DLGAP1: variants seen among roughly 807,000 people sequenced by gnomAD.
DLGAP1 encodes DLG associated protein 1, also known as disks large-associated protein 1.
DLGAP1 carries 11 observed loss-of-function variants against 90.8 expected under a neutral mutation model. The observed-to-expected ratio is 0.12, with a 90% CI of 0.08 to 0.20. The LOEUF is 0.20. Among genes scored for constraint, DLGAP1 ranks in the 10% least tolerant of loss-of-function variants. The pLI is 1.00. For missense variants in DLGAP1, 1,050 were observed against 1,333.8 expected, an observed-to-expected ratio of 0.79 and a Z score of 3.31; for synonymous variants, 558 against 540.7, an observed-to-expected ratio of 1.03 and a Z score of -0.44.
intron 4 of DLGAP1, chr18:3,874,266 C>T: frequency 6.5e-7 from 1 of 1,549,612 alleles, no homozygotes; most frequent in Non-Finnish European, 8.7e-7. Flanking sequence ...GAGTGCTTTC[C>T]TTCTCGGTCT....
intron 2 of DLGAP1, among the ~76,000 whole-genome samples, chr18:4,044,772 C>T (rs1014204000): frequency 3.3e-5 from 5 of 151,926 alleles, no homozygotes; most frequent in Admixed American, 3.3e-4. Flanking sequence ...ACAAACAAAA[C>T]AAACAAACAA....
chr18:4,352,437 C>T (rs1213041092), intron 1 of DLGAP1, among the ~76,000 whole-genome samples: 2 of 152,108 alleles, frequency 1.3e-5, no homozygotes, highest in Admixed American at 1.3e-4. Flanking sequence ...AAGCTAATGA[C>T]ATTTACTTAG....
intron 5 of DLGAP1, among the ~76,000 whole-genome samples, chr18:3,773,828 A>G (rs901657382): frequency 5.3e-5 from 8 of 152,228 alleles, no homozygotes; most frequent in Non-Finnish European, 1.0e-4. Context: ...ATGGATATAA[A>G]CTTTCTGCTA....
At chr18:3,765,367 T>C (rs1287704155) in intron 5 of DLGAP1, among the ~76,000 whole-genome samples, 11 of 150,694 alleles carry the variant, frequency 7.3e-5, no homozygotes, top group Non-Finnish European at 1.6e-4. Flanking sequence ...CCTGACCTCA[T>C]GATCTGCCCA....
chr18:4,089,988 T>C (rs9973050), intron 2 of DLGAP1, among the ~76,000 whole-genome samples: 1 of 152,006 alleles, frequency 6.6e-6, no homozygotes, highest in Non-Finnish European at 1.5e-5. Context: ...GAGTTTGCAG[T>C]GAGCCAAGAT....
In DLGAP1 at chr18:3,711,960, A is replaced by T. The variant is rs182808374; in HGVS notation, c.1591+17175T>A. On this transcript the variant is annotated intron_variant, in intron 7 of 12. Transcript: ENST00000315677. The surrounding 1 kb of genome is among the most constrained non-coding windows in gnomAD (Gnocchi z 4.0). ...TGGGAAGGGAGGCATACAGAAATGT[A>T]TAAGGAGGCATGAGTCCTAACAAAC... 1.3e-5 allele frequency among the ~76,000 whole-genome samples: 2 copies of T among 152,328 alleles called. No homozygotes were observed. Among genetic ancestry groups the T allele is most frequent in the Middle Eastern group, 3.4e-3 (1 of 294 alleles).
intron 2 of DLGAP1, among the ~76,000 whole-genome samples, chr18:4,091,151 C>T (rs987502910): frequency 4.1e-4 from 63 of 152,266 alleles, no homozygotes; most frequent in African/African-American, 1.4e-3. Flanking sequence ...GGCTTAATAC[C>T]TAGGTGATGG....
chr18:4,055,426 T>G (rs2075199555), intron 2 of DLGAP1, among the ~76,000 whole-genome samples: 1 of 152,212 alleles, frequency 6.6e-6, no homozygotes, highest in South Asian at 2.1e-4. Flanking sequence ...TTATCCTCAC[T>G]GTCCTCCCAT....
intron 7 of DLGAP1, among the ~76,000 whole-genome samples, chr18:3,616,615 T>C (rs1050053607): frequency 3.3e-5 from 5 of 151,650 alleles, no homozygotes; most frequent in African/African-American, 1.2e-4. Context: ...ATTAGCCTGC[T>C]GTGGTGGCGT....
intron 2 of DLGAP1, among the ~76,000 whole-genome samples, chr18:4,055,689 G>A (rs1173645066): frequency 6.6e-6 from 1 of 152,158 alleles, no homozygotes; most frequent in Non-Finnish European, 1.5e-5. Flanking sequence ...GTGTAATTCT[G>A]TGGTGTACCC....
At chr18:3,543,465 C>G (rs1472172188) in intron 9 of DLGAP1, among the ~76,000 whole-genome samples, 2 of 152,060 alleles carry the variant, frequency 1.3e-5, no homozygotes, top group Non-Finnish European at 2.9e-5. Context: ...TCATCCGGCC[C>G]CATGACTCCA....
At chr18:4,080,273 A>G (rs2075586455) in intron 2 of DLGAP1, among the ~76,000 whole-genome samples, 1 of 152,240 alleles carries the variant, frequency 6.6e-6, no homozygotes, top group Non-Finnish European at 1.5e-5. Flanking sequence ...ATGAAATTTT[A>G]TCAGTGATAA....
rs1568279356 is a variant in DLGAP1, at chr18:3,600,923, T to TAG, written c.1592-18676_1592-18675insCT. Among the ~76,000 whole-genome samples the TAG allele has an allele frequency of 7.6e-5, 8 of 105,942 alleles. 3 individuals are homozygous for TAG. The highest frequency in any genetic ancestry group is 1.3e-4 in the African/African-American group (4 of 31,452). 69.5% of individuals were successfully genotyped at this position (105,942 alleles called of 152,430 possible). A position where few individuals can be genotyped will look rare whatever the true frequency, so the allele number is the denominator to read the frequency against. On this transcript the variant is annotated intron_variant, in intron 7 of 12. Coordinates refer to ENST00000315677, the MANE Select transcript of DLGAP1 (RefSeq NM_004746.4). ...ATATAGATATATAGATAGATATAGATATATATAGATATATAGATAGATATA... is the reference window on the plus strand; with the variant it reads ...ATATAGATATATAGATAGATATAGATAGATATATAGATATATAGATAGATATA...
intron 4 of DLGAP1, among the ~76,000 whole-genome samples, chr18:3,860,247 A>C (rs1027389762): frequency 1.3e-5 from 2 of 152,194 alleles, no homozygotes; most frequent in Non-Finnish European, 2.9e-5. Flanking sequence ...TCTAACAGTA[A>C]CTTTTGCAAT....
intron 7 of DLGAP1, among the ~76,000 whole-genome samples, chr18:3,671,796 A>G (rs1161395674): frequency 2.0e-5 from 3 of 152,228 alleles, no homozygotes; most frequent in Non-Finnish European, 2.9e-5. Flanking sequence ...GGAAATAGTC[A>G]TAGATTATTT....
At chr18:4,047,333 AT>A (rs1404086321) in intron 2 of DLGAP1, among the ~76,000 whole-genome samples, 1 of 152,222 alleles carries the variant, frequency 6.6e-6, no homozygotes, top group East Asian at 1.9e-4. Context: ...TGCAAAACAT[AT>A]TTTTTGGAAG....
chr18:4,183,849 C>T (rs554976430), intron 1 of DLGAP1, among the ~76,000 whole-genome samples: 20 of 152,148 alleles, frequency 1.3e-4, no homozygotes, highest in Non-Finnish European at 2.6e-4. Flanking sequence ...TTTTCCTTCA[C>T]ATCAAATATG....
rs377246244 is a variant in DLGAP1 at position 4,044,768 on chromosome 18, A to AAAAC, written c.-158-39571_-158-39568dup. ...AAAACAAAACAAAAAACAAACAAACAAAACAAACAAACAAACAAACAAAAA... is the reference window on the plus strand; with the variant it reads ...AAAACAAAACAAAAAACAAACAAACAAAACAAACAAACAAACAAACAAACAAAAA... On this transcript the variant is annotated intron_variant, in intron 2 of 12. Transcript: ENST00000315677. 2.4e-3 allele frequency among the ~76,000 whole-genome samples: 358 copies of AAAAC among 152,174 alleles called. 3 individuals are homozygous for AAAAC. The highest frequency in any genetic ancestry group is 3.5e-4 in the Non-Finnish European group (24 of 67,990).
chr18:4,447,657 T>G (rs2083701415), intron 1 of DLGAP1, among the ~76,000 whole-genome samples: 1 of 152,128 alleles, frequency 6.6e-6, no homozygotes, highest in Admixed American at 6.5e-5. Context: ...TCACAGGAAT[T>G]TTTAATGAAT....
Sources: allele counts gnomAD v4.1 joint callset (sites outside exome capture counted in the v4.1 genomes callset), GRCh38; gene constraint gnomAD v4.1.1; non-coding constraint Gnocchi (gnomAD v3.1); transcripts MANE v1.5; gene names NCBI Gene and HGNC (gene_info 2026-07-23, HGNC 2026-07-21).